TRMT9B: variants seen among roughly 807,000 people sequenced by gnomAD.
TRMT9B encodes tRNA methyltransferase 9B (putative), also known as probable tRNA methyltransferase 9B.
TRMT9B carries 16 observed loss-of-function variants against 11.5 expected under a neutral mutation model. The observed-to-expected ratio is 1.39, with a 90% CI of 0.94 to 2.11. The LOEUF (loss-of-function observed/expected upper bound fraction) is 2.11. Ranked by LOEUF, TRMT9B falls within the 30% of genes most tolerant of loss-of-function variation. TRMT9B has a pLI of 0.00. For missense variants in TRMT9B, 941 were observed against 553.8 expected, an observed-to-expected ratio of 1.70 and a Z score of -7.02; for synonymous variants, 274 against 192.4, an observed-to-expected ratio of 1.42 and a Z score of -3.51.
intron 1 of TRMT9B, chr8:12,952,166 G>A (rs758260744): frequency 2.4e-5 from 11 of 454,594 alleles, no homozygotes; most frequent in Non-Finnish European, 4.9e-5. Context: ...CAACGGGAGA[G>A]CTGCTGCCAG....
At chr8:12,984,459 T>G (rs17179221) in intron 1 of TRMT9B, among the ~76,000 whole-genome samples, 9,383 of 152,232 alleles carry the variant, frequency 0.062, 353 homozygotes, top group African/African-American at 0.11. Context: ...ATGATCTTCA[T>G]TTAAAAGCTC....
rs757970964 is a variant in TRMT9B at position 13,021,125 on chromosome 8, G to GGGC, written c.446_447insGGC (p.Arg149_His150insAla). The GGGC allele has an allele frequency of 6.2e-7, 1 of 1,613,246 alleles. No individual in the cohort carries two copies. The highest frequency in any genetic ancestry group is 2.2e-5 in the East Asian group (1 of 44,884). On this transcript the variant is annotated inframe_insertion, in exon 5 of 5. Transcript: ENST00000524591. Reference sequence around the variant, plus strand: ...GTTTGGGCAATGGAACAAAAGAACCGTCACTTTGAGAAGCAAGACGTGCTT... The same window carrying GGGC: ...GTTTGGGCAATGGAACAAAAGAACCGGGCTCACTTTGAGAAGCAAGACGTGCTT...
At chr8:13,008,639 CA>C (rs1810951919) in intron 3 of TRMT9B, among the ~76,000 whole-genome samples, 1 of 152,088 alleles carries the variant, frequency 6.6e-6, no homozygotes, top group African/African-American at 2.4e-5. Flanking sequence ...TTCCACAAGA[CA>C]AAAATCTAGA....
At chr8:13,017,310 G>A (rs1400965702) in intron 4 of TRMT9B, among the ~76,000 whole-genome samples, 1 of 152,154 alleles carries the variant, frequency 6.6e-6, no homozygotes, top group Non-Finnish European at 1.5e-5. Flanking sequence ...GAGATCATGT[G>A]TAACTTCTCA....
intron 3 of TRMT9B, chr8:13,011,236 A>G (rs1811556979): frequency 6.7e-6 from 6 of 893,556 alleles, no homozygotes; most frequent in Non-Finnish European, 6.7e-6. Context: ...TCCGCCCACC[A>G]CAGCCTCCCA....
intron 4 of TRMT9B, among the ~76,000 whole-genome samples, chr8:13,015,645 C>T (rs535250531): frequency 3.3e-5 from 5 of 152,282 alleles, no homozygotes; most frequent in South Asian, 4.1e-4. Context: ...TGAACTACCA[C>T]GCCCAGGCTA....
At chr8:12,980,939 T>C (rs1401418227) in intron 1 of TRMT9B, among the ~76,000 whole-genome samples, 5 of 152,094 alleles carry the variant, frequency 3.3e-5, no homozygotes, top group Non-Finnish European at 5.9e-5. Flanking sequence ...TTTTTGTTTG[T>C]TTGTTTGTGT....
intron 1 of TRMT9B, among the ~76,000 whole-genome samples, chr8:12,955,627 C>T (rs1003941161): frequency 6.6e-6 from 1 of 152,158 alleles, no homozygotes; most frequent in East Asian, 1.9e-4. Flanking sequence ...TTCCATGGTT[C>T]TTCTGGGGTG....
intron 2 of TRMT9B, among the ~76,000 whole-genome samples, chr8:12,999,592 A>G (rs1341755968): frequency 1.3e-5 from 2 of 152,362 alleles, no homozygotes; most frequent in South Asian, 2.1e-4. Flanking sequence ...TCATTCATGA[A>G]TTCACTAAAC....
At chr8:12,990,617 G>C (rs929245041) in intron 1 of TRMT9B, among the ~76,000 whole-genome samples, 2 of 152,164 alleles carry the variant, frequency 1.3e-5, no homozygotes, top group Non-Finnish European at 2.9e-5. Context: ...TTAGGAGAAA[G>C]TATTGTATGT....
intron 3 of TRMT9B, among the ~76,000 whole-genome samples, chr8:13,009,275 G>T (rs1471056366): frequency 1.3e-5 from 2 of 151,906 alleles, no homozygotes; most frequent in Admixed American, 1.3e-4. Context: ...GGTAGGTGTA[G>T]GAAATGGTAA....
chr8:12,952,506 G>C (rs1041999251), intron 1 of TRMT9B: 2 of 227,222 alleles, frequency 8.8e-6, no homozygotes, highest in Non-Finnish European at 1.8e-5. Context: ...GGATAAATCA[G>C]AATTCAGAGA....
chr8:13,000,940 G>C (rs7836105), intron 2 of TRMT9B, among the ~76,000 whole-genome samples: 13,339 of 152,130 alleles, frequency 0.088, 907 homozygotes, highest in African/African-American at 0.2. Context: ...GGCTGGTACT[G>C]TAAAATGAAC....
chr8:12,976,454 T>C (rs1387570613), intron 1 of TRMT9B, among the ~76,000 whole-genome samples: 1 of 151,862 alleles, frequency 6.6e-6, no homozygotes, highest in Non-Finnish European at 1.5e-5. Context: ...TAACATAGCA[T>C]ATGGGCCGGG....
At chr8:13,000,776 A>C (rs755519670) in intron 2 of TRMT9B, among the ~76,000 whole-genome samples, 52 of 152,232 alleles carry the variant, frequency 3.4e-4, no homozygotes, top group African/African-American at 1.2e-3. Flanking sequence ...TAAAATAATC[A>C]TTTCAAAATG....
intron 2 of TRMT9B, among the ~76,000 whole-genome samples, chr8:12,998,900 A>T (rs1264110249): frequency 2.0e-5 from 3 of 152,254 alleles, no homozygotes; most frequent in Non-Finnish European, 4.4e-5. Flanking sequence ...TTATTTGTCA[A>T]CACATCAAAT....
intron 1 of TRMT9B, among the ~76,000 whole-genome samples, chr8:12,969,142 G>C (rs73544698): frequency 0.015 from 2,343 of 152,306 alleles, 64 homozygotes; most frequent in African/African-American, 0.054. Flanking sequence ...GGAAGGTGGA[G>C]ATTGCAGTGA....
At chr8:12,950,171 A>G (rs76684790) in intron 1 of TRMT9B, among the ~76,000 whole-genome samples, 1,698 of 152,178 alleles carry the variant, frequency 0.011, 37 homozygotes, top group African/African-American at 0.038. Context: ...AATTTTTTAT[A>G]TCTAAATCAG....
At chr8:12,967,203 T>C (rs776619695) in intron 1 of TRMT9B, among the ~76,000 whole-genome samples, 2 of 152,244 alleles carry the variant, frequency 1.3e-5, no homozygotes, top group Non-Finnish European at 2.9e-5. Context: ...TCCAAAGATA[T>C]GCACAATGTT....
Sources: gnomAD v4.1 joint callset for allele counts (sites outside exome capture counted in the v4.1 genomes callset) on GRCh38, gnomAD v4.1.1 for gene constraint, MANE v1.5 for transcripts, NCBI Gene and HGNC (gene_info 2026-07-23, HGNC 2026-07-21) for gene names.